GRK3: variants seen among roughly 807,000 people sequenced by gnomAD.
GRK3 encodes the protein adrenergic, beta, receptor kinase 2.
In GRK3, 54 loss-of-function variants were observed where a neutral mutation model predicts 95.7. The observed-to-expected ratio is 0.56, with a 90% confidence interval of 0.45 to 0.71. The LOEUF (loss-of-function observed/expected upper bound fraction) is 0.71, where lower values mean the gene tolerates loss of function less well. GRK3 is among the 30% of genes least tolerant of loss of function. The pLI is 0.00. For synonymous variants in GRK3, 281 were observed against 290.8 expected, an observed-to-expected ratio of 0.97 and a Z score of 0.34; for missense variants, 649 against 851.2, an observed-to-expected ratio of 0.76 and a Z score of 2.96.
rs2084923380 is a variant in GRK3, at chr22:25,663,619, G to T, written c.367-11G>T. 2 of 1,577,344 alleles carry T rather than the reference G, an allele frequency of 1.3e-6. No individual in the cohort carries two copies. The highest frequency in any genetic ancestry group is 1.2e-5 in the South Asian group (1 of 86,162). ...TTTATTATTTAAAAATATTATTTTT[G>T]ACTTTGATAGCCTTTCTCAAAGCAA... is the stretch of plus-strand genomic sequence containing the variant. On this transcript the variant is annotated splice_polypyrimidine_tract_variant and intron_variant, in intron 4 of 20. Coordinates refer to ENST00000324198, the MANE Select transcript of GRK3 (RefSeq NM_005160.4).
chr22:25,579,182 G>A (rs985996559), intron 1 of GRK3, among the ~76,000 whole-genome samples: 2 of 150,366 alleles, frequency 1.3e-5, no homozygotes, highest in African/African-American at 2.5e-5. Flanking sequence ...TTTGTGACAC[G>A]CTCTCGCTCT....
intron 1 of GRK3, among the ~76,000 whole-genome samples, chr22:25,590,470 G>C (rs1375983097): frequency 6.6e-6 from 1 of 151,928 alleles, no homozygotes; most frequent in Non-Finnish European, 1.5e-5. Flanking sequence ...AGGTCATTTT[G>C]TTGTGTAGTT....
At chr22:25,662,131 A>G in intron 4 of GRK3, among the ~76,000 whole-genome samples, 1 of 151,634 alleles carries the variant, frequency 6.6e-6, no homozygotes, top group Admixed American at 6.6e-5. Flanking sequence ...CAGTTGTAAT[A>G]TTTTTTTTTC....
intron 1 of GRK3, among the ~76,000 whole-genome samples, chr22:25,588,867 C>T (rs1327156016): frequency 6.6e-6 from 1 of 151,468 alleles, no homozygotes; most frequent in Non-Finnish European, 1.5e-5. Flanking sequence ...CCCCTGGGCT[C>T]AAGTAATTCT....
chr22:25,676,312 G>C (rs1018997857), intron 8 of GRK3, among the ~76,000 whole-genome samples: 1 of 152,142 alleles, frequency 6.6e-6, no homozygotes, highest in Non-Finnish European at 1.5e-5. Context: ...TACTCTACTT[G>C]TTGCTTGGCA....
intron 19 of GRK3, among the ~76,000 whole-genome samples, chr22:25,718,744 A>C (rs569999863): frequency 2.0e-5 from 3 of 152,220 alleles, no homozygotes; most frequent in African/African-American, 4.8e-5. Flanking sequence ...GACTTTGAAC[A>C]CGTCACATTG....
chr22:25,594,367 C>T (rs573669920), intron 1 of GRK3, among the ~76,000 whole-genome samples: 19 of 152,146 alleles, frequency 1.2e-4, no homozygotes, highest in East Asian at 3.9e-4. Context: ...CCAGTATTAC[C>T]CTGATGCCAA....
At chr22:25,579,095 A>G (rs1932008906) in intron 1 of GRK3, among the ~76,000 whole-genome samples, 1 of 152,128 alleles carries the variant, frequency 6.6e-6, no homozygotes, top group South Asian at 2.1e-4. Flanking sequence ...CCTTTCCTGT[A>G]AAAACTGCTT....
intron 3 of GRK3, chr22:25,649,121 T>A: frequency 6.6e-7 from 1 of 1,517,920 alleles, no homozygotes; most frequent in Non-Finnish European, 9.2e-7. Context: ...AATTGATGAA[T>A]CTGTGTTGGA....
chr22:25,721,460 C>T, intron 20 of GRK3, 63 bp downstream of exon 20: 2 of 929,624 alleles, frequency 2.2e-6, no homozygotes, highest in Non-Finnish European at 3.4e-6. Flanking sequence ...AAGTTGACTG[C>T]CTGTCTATAA....
At chr22:25,721,459 G>A in intron 20 of GRK3, 62 bp downstream of exon 20, 1 of 937,612 alleles carries the variant, frequency 1.1e-6, no homozygotes, top group Non-Finnish European at 1.7e-6. Flanking sequence ...AAAGTTGACT[G>A]CCTGTCTATA....
chr22:25,619,049 T>A (rs1474318425), intron 2 of GRK3, among the ~76,000 whole-genome samples: 1 of 152,238 alleles, frequency 6.6e-6, no homozygotes, highest in Non-Finnish European at 1.5e-5. Flanking sequence ...AAGTATAATT[T>A]CATTTTTGAA....
At chr22:25,638,624 G>A (rs1569174508) in intron 2 of GRK3, among the ~76,000 whole-genome samples, 1 of 152,162 alleles carries the variant, frequency 6.6e-6, no homozygotes, top group Admixed American at 6.5e-5. Context: ...TTTAATCACA[G>A]GCCATAGTAA....
intron 18 of GRK3, among the ~76,000 whole-genome samples, chr22:25,715,531 T>A (rs1331700390): frequency 2.0e-5 from 3 of 151,898 alleles, no homozygotes; most frequent in Non-Finnish European, 4.4e-5. Context: ...ATTGCCAAAC[T>A]GTATTTTTAT....
intron 9 of GRK3, among the ~76,000 whole-genome samples, chr22:25,679,763 G>A (rs1469992879): frequency 6.6e-6 from 1 of 152,156 alleles, no homozygotes; most frequent in Admixed American, 6.5e-5. Context: ...TGAGCGTGGA[G>A]GGGCCAGACA....
At chr22:25,703,682 A>G (rs571375271) in intron 14 of GRK3, 106 bp downstream of exon 14, 4 of 839,300 alleles carry the variant, frequency 4.8e-6, no homozygotes, top group African/African-American at 1.7e-5. Context: ...GAAATATAAA[A>G]TTATGTATAG....
At chr22:25,712,441 C>T (rs1246068134) in intron 17 of GRK3, among the ~76,000 whole-genome samples, 1 of 152,234 alleles carries the variant, frequency 6.6e-6, no homozygotes, top group East Asian at 1.9e-4. Context: ...AAAAAATTTA[C>T]TGCTGTCACA....
chr22:25,659,106 G>A (rs1262591496), intron 3 of GRK3, among the ~76,000 whole-genome samples: 2 of 152,098 alleles, frequency 1.3e-5, no homozygotes, highest in Admixed American at 6.6e-5. Flanking sequence ...TGAAGAAGGG[G>A]TGCCCCCAGC....
chr22:25,649,837 G>A (rs185724531), intron 3 of GRK3, among the ~76,000 whole-genome samples: 12 of 152,208 alleles, frequency 7.9e-5, no homozygotes, highest in African/African-American at 1.4e-4. Flanking sequence ...GACCACAGAC[G>A]TGGAATTTGA....
Sources: gnomAD v4.1 joint callset for allele counts (sites outside exome capture counted in the v4.1 genomes callset) on GRCh38, gnomAD v4.1.1 for gene constraint, MANE v1.5 for transcripts, NCBI Gene and HGNC (gene_info 2026-07-23, HGNC 2026-07-21) for gene names.